Variants in YES1 observed in about 807,000 individuals in gnomAD.
YES1 encodes the protein tyrosine-protein kinase Yes.
YES1 carries 39 observed loss-of-function variants against 70.4 expected under a neutral mutation model. The ratio of observed to expected loss-of-function variants is 0.55; its 90% CI spans 0.43 to 0.72. The LOEUF (loss-of-function observed/expected upper bound fraction) is 0.72, where lower values mean the gene tolerates loss of function less well. YES1 is among the 30% of genes least tolerant of loss of function. The pLI is 0.00. For missense variants in YES1, 495 were observed against 644.8 expected (o/e 0.77, Z 2.52); for synonymous variants, 198 against 218.6 (o/e 0.91, Z 0.83).
Position 777,576 on chromosome 18 carries a change from G to A in YES1, c.-8-20741C>T, listed in dbSNP as rs941027696. ...AATCCCAACACTTTGGGAGGCTGAG[G>A]CAGGCGGATCACTTGAGGTCAGAAG... On this transcript the variant is annotated intron_variant, in intron 1 of 11. Transcript: ENST00000314574. 3.3e-4 allele frequency among the ~76,000 whole-genome samples: 50 copies of A among 152,176 alleles called. 1 individual carries two copies. The highest frequency in any genetic ancestry group is 1.2e-3 in the African/African-American group (49 of 41,438).
chr18:747,984 T>C lies in YES1; in HGVS notation c.406A>G (p.Thr136Ala), dbSNP rs1178582114. The C allele has an allele frequency of 1.9e-6, 3 of 1,613,796 alleles. No homozygotes were observed. Among genetic ancestry groups the C allele is most frequent in the Non-Finnish European group, 2.5e-6 (3 of 1,179,970 alleles). The change falls in exon 4 of 12, where the codon ACA becomes GCA. Residue 136 changes from threonine (T) to alanine (A), a missense_variant. Around this residue, in one of 2 missense-constraint regions of YES1, gnomAD observed 385 missense variants for 540.9 expected, o/e 0.71. Transcript: ENST00000314574. ...CTCGGGATATAACCATTCTTTCCTG[T>C]AGCGATTGATCTTGCTTCCCACCAA... is the stretch of plus-strand genomic sequence containing the variant. ...GDWWEARSIA[T>A]GKNGYIPSNY...
At chr18:759,830 G>A (rs1223691114) in intron 1 of YES1, among the ~76,000 whole-genome samples, 1 of 151,670 alleles carries the variant, frequency 6.6e-6, no homozygotes, top group Admixed American at 6.6e-5. Flanking sequence ...ATTTACATTA[G>A]GTATATCTCC....
At position 742,915 on chromosome 18, in the gene YES1, T is replaced by C; in HGVS notation, c.1060+3A>G. The C allele has an allele frequency of 1.3e-6, 2 of 1,582,158 alleles. No homozygotes were observed. The highest frequency in any genetic ancestry group is 1.7e-6 in the Non-Finnish European group (2 of 1,168,764). ...AAATACCTAAGGAGATACTAATACA[T>C]ACCTTTTGACATAAATTCAGTGACA... is the stretch of plus-strand genomic sequence containing the variant. On this transcript the variant is annotated splice_donor_region_variant and intron_variant, in intron 8 of 11. Transcript: ENST00000314574.
intron 3 of YES1, among the ~76,000 whole-genome samples, chr18:749,850 C>A (rs2080323373): frequency 7.4e-6 from 1 of 134,660 alleles, no homozygotes. Context: ...CAGAGCAAGA[C>A]TCCGTCTCAA....
chr18:729,911 C>A (rs762826295), intron 11 of YES1, among the ~76,000 whole-genome samples: 3 of 152,320 alleles, frequency 2.0e-5, no homozygotes, highest in Non-Finnish European at 4.4e-5. Context: ...AGGCGTGAGC[C>A]ACAGCGCCCA....
chr18:729,729 C>T (rs1255355490), intron 11 of YES1, among the ~76,000 whole-genome samples: 4 of 148,432 alleles, frequency 2.7e-5, no homozygotes, highest in Admixed American at 6.9e-5. Flanking sequence ...TGGGTTCAAG[C>T]GATTCTCCTG....
intron 1 of YES1, among the ~76,000 whole-genome samples, chr18:772,230 T>C (rs1905192796): frequency 1.3e-5 from 2 of 151,882 alleles, no homozygotes; most frequent in Admixed American, 1.3e-4. Flanking sequence ...CGTTTCTCCA[T>C]GTTGGTCAGG....
chr18:737,760 C>T (rs1176815303), intron 9 of YES1, among the ~76,000 whole-genome samples: 3 of 152,330 alleles, frequency 2.0e-5, no homozygotes, highest in South Asian at 4.1e-4. Flanking sequence ...CACTCTGTCA[C>T]GCAGGTTGGC....
intron 11 of YES1, 139 bp downstream of exon 11, chr18:732,695 G>C: frequency 8.8e-7 from 1 of 1,140,598 alleles, no homozygotes; most frequent in Non-Finnish European, 1.3e-6. Flanking sequence ...CCACAGTAAA[G>C]GGAAGGAGTG....
rs1026409966 is a variant in YES1, at chr18:757,295, A to T, written c.-8-460T>A. Among the ~76,000 whole-genome samples, 16 of 151,494 alleles carry T rather than the reference A, an allele frequency of 1.1e-4. No homozygotes were observed. The East Asian group carries it at 2.9e-3, about 28-fold the overall frequency. ...AAGGCGGGCGGATCACGAGGTCAGG[A>T]GATTGAGACCATCCTGGCTAACACG... On this transcript the variant is annotated intron_variant, in intron 1 of 11. Transcript: ENST00000314574.
At chr18:726,335 G>C (rs961487000) in intron 11 of YES1, among the ~76,000 whole-genome samples, 2 of 151,990 alleles carry the variant, frequency 1.3e-5, no homozygotes, top group African/African-American at 4.8e-5. Context: ...TGAGGCAGGA[G>C]AATCGCTTGA....
At chr18:792,624 C>T (rs546522825) in intron 1 of YES1, among the ~76,000 whole-genome samples, 8 of 151,126 alleles carry the variant, frequency 5.3e-5, no homozygotes, top group South Asian at 4.2e-4. Context: ...CATATATATA[C>T]GCACACACAT....
At chr18:757,364 G>GCA (rs1904330137) in intron 1 of YES1, among the ~76,000 whole-genome samples, 1 of 152,056 alleles carries the variant, frequency 6.6e-6, no homozygotes, top group Non-Finnish European at 1.5e-5. Flanking sequence ...TTAGCCGGGC[G>GCA]TGGTGGTGGG....
intron 8 of YES1, among the ~76,000 whole-genome samples, chr18:740,308 C>T (rs2080202762): frequency 6.6e-6 from 1 of 152,174 alleles, no homozygotes; most frequent in African/African-American, 2.4e-5. Flanking sequence ...TACGGCTTCA[C>T]TATTATTTGT....
chr18:800,836 G>A (rs563515939), intron 1 of YES1, among the ~76,000 whole-genome samples: 23 of 152,152 alleles, frequency 1.5e-4, no homozygotes, highest in African/African-American at 4.6e-4. Context: ...GATCATGCTC[G>A]GCCCCATCTC....
At chr18:728,607 A>T (rs947055297) in intron 11 of YES1, among the ~76,000 whole-genome samples, 1 of 151,850 alleles carries the variant, frequency 6.6e-6, no homozygotes, top group Non-Finnish European at 1.5e-5. Flanking sequence ...GCTCATTGCA[A>T]CCTCTGCCTC....
At position 723,388 on chromosome 18, in the gene YES1, CT is replaced by C. The variant is rs2079982216; in HGVS notation, c.*1035del. 1 of 90,704 alleles carries C rather than the reference CT, an allele frequency of 1.1e-5. No individual in the cohort carries two copies. The highest frequency in any genetic ancestry group is 1.1e-4 in the Admixed American group (1 of 9,258). The allele number at this position is 90,704 out of a possible 1,614,324, so 5.6% of individuals were successfully genotyped here. On this transcript the variant is annotated 3_prime_UTR_variant, in exon 12 of 12. Transcript: ENST00000314574. ...CCTTCCATCCCTCTAACTTGTAAAA[CT>C]TTCACTTTCTTTTCTCGTATTTCTT...
At chr18:735,820 T>C (rs762519747) in intron 10 of YES1, 8 of 152,040 alleles carry the variant, frequency 5.3e-5, no homozygotes, top group Non-Finnish European at 1.0e-4. Context: ...CCAAAAACTA[T>C]TGAAAAAAAA....
chr18:787,583 G>A (rs1188179666), intron 1 of YES1, among the ~76,000 whole-genome samples: 1 of 151,968 alleles, frequency 6.6e-6, no homozygotes, highest in Non-Finnish European at 1.5e-5. Flanking sequence ...GCTGGTGCGT[G>A]CCTGTAATTC....
Sources: gnomAD v4.1 joint callset for allele counts (sites outside exome capture counted in the v4.1 genomes callset) on GRCh38, gnomAD v4.1.1 for gene constraint, gnomAD v4.1.1 regional missense constraint, MANE v1.5 for transcripts, NCBI Gene and HGNC (gene_info 2026-07-23, HGNC 2026-07-21) for gene names.